The following CDHR3 variants were observed in gnomAD, a reference collection of about 807,000 sequenced individuals.
The protein encoded by CDHR3 is cadherin-related family member 3.
CDHR3 carries 79 observed loss-of-function variants against 86.6 expected under a neutral mutation model. The ratio of observed to expected loss-of-function variants is 0.91; its 90% CI spans 0.76 to 1.10. The LOEUF (loss-of-function observed/expected upper bound fraction) is 1.10, where lower values mean the gene tolerates loss of function less well. Among genes scored for constraint, CDHR3 ranks in the 50% least tolerant of loss-of-function variants. The pLI is 0.00. For missense variants in CDHR3, 1,081 were observed against 1,077.6 expected, an observed-to-expected ratio of 1.00 and a Z score of -0.04; for synonymous variants, 421 against 402.4, an observed-to-expected ratio of 1.05 and a Z score of -0.55.
chr7:106,029,773 C>T (rs1392584069), intron 17 of CDHR3, among the ~76,000 whole-genome samples: 1 of 152,176 alleles, frequency 6.6e-6, no homozygotes, highest in Non-Finnish European at 1.5e-5. Flanking sequence ...GCACATCCAT[C>T]CCCTAAGTCT....
chr7:106,028,336 T>G, intron 16 of CDHR3: 1 of 588,898 alleles, frequency 1.7e-6, no homozygotes, highest in Non-Finnish European at 3.1e-6. Flanking sequence ...ATTGTTCGTA[T>G]GTTATTGTGT....
chr7:105,970,587 C>T (rs933459067), intron 1 of CDHR3, among the ~76,000 whole-genome samples: 2 of 152,146 alleles, frequency 1.3e-5, no homozygotes, highest in Non-Finnish European at 2.9e-5. Flanking sequence ...GGAAAGTATG[C>T]GGTGTTTTAG....
chr7:106,027,559 C>A, intron 16 of CDHR3: 1 of 371,772 alleles, frequency 2.7e-6, no homozygotes. Context: ...TGGGAAGGTC[C>A]ATCTGAGCAG....
chr7:106,026,477 G>T (rs1017837656), intron 15 of CDHR3, among the ~76,000 whole-genome samples: 1 of 152,182 alleles, frequency 6.6e-6, no homozygotes, highest in African/African-American at 2.4e-5. Flanking sequence ...AACCTCCCTA[G>T]TCCAAAGCCA....
At chr7:105,991,059 G>GAATTGTTTTTA (rs1831281076) in intron 4 of CDHR3, among the ~76,000 whole-genome samples, 1 of 152,226 alleles carries the variant, frequency 6.6e-6, no homozygotes, top group East Asian at 1.9e-4. Context: ...GAGCTTGTCT[G>GAATTGTTTTTA]ACAAGCATTT....
intron 15 of CDHR3, 129 bp downstream of exon 15, chr7:106,024,691 A>C: frequency 1.1e-6 from 1 of 913,494 alleles, no homozygotes; most frequent in Admixed American, 2.7e-5. Context: ...TGAAGGCAGG[A>C]AAAGGAGATA....
At position 106,032,386 on chromosome 7, in the gene CDHR3, T is replaced by TC. The variant is rs1347015521; in HGVS notation, c.2354-6dup. Reference sequence around the variant, plus strand: ...CTTATGTGATTGTTGTATTTTTTTTTCACTAGTGACCGGGGAAACATATGA... The same window carrying TC: ...CTTATGTGATTGTTGTATTTTTTTTTCCACTAGTGACCGGGGAAACATATGA... On this transcript the variant is annotated splice_region_variant and splice_polypyrimidine_tract_variant and intron_variant, in intron 18 of 18. Coordinates refer to ENST00000317716, the MANE Select transcript of CDHR3 (RefSeq NM_152750.5). The TC allele has an allele frequency of 4.4e-5, 70 of 1,597,966 alleles. No homozygotes were observed. The highest frequency in any genetic ancestry group is 5.6e-5 in the Non-Finnish European group (66 of 1,170,784).
At chr7:106,003,534 G>C (rs1193871471) in intron 7 of CDHR3, among the ~76,000 whole-genome samples, 2 of 152,132 alleles carry the variant, frequency 1.3e-5, no homozygotes, top group Non-Finnish European at 2.9e-5. Flanking sequence ...CCTAGGGAGA[G>C]CCTCAGGCAG....
At chr7:105,990,085 A>G (rs1831132675) in intron 4 of CDHR3, among the ~76,000 whole-genome samples, 2 of 152,202 alleles carry the variant, frequency 1.3e-5, no homozygotes, top group African/African-American at 4.8e-5. Context: ...GGGGTGGGAC[A>G]CTCTCAAATA....
chr7:105,988,730 C>G (rs1289731314), intron 4 of CDHR3, among the ~76,000 whole-genome samples: 1 of 152,102 alleles, frequency 6.6e-6, no homozygotes, highest in African/African-American at 2.4e-5. Flanking sequence ...CGGCTCTGTC[C>G]AATAAAGCTA....
intron 2 of CDHR3, among the ~76,000 whole-genome samples, chr7:105,977,832 AGCCTCCCT>A: frequency 6.6e-6 from 1 of 152,320 alleles, no homozygotes; most frequent in African/African-American, 2.4e-5. Flanking sequence ...CAAGAGGCCA[AGCCTCCCT>A]GCTTTGGGAC....
chr7:106,000,663 G>GTA (rs1833001748), intron 6 of CDHR3, among the ~76,000 whole-genome samples: 1 of 152,136 alleles, frequency 6.6e-6, no homozygotes, highest in Admixed American at 6.5e-5. Context: ...ATTACTCAAT[G>GTA]TATAGTTAGT....
At chr7:105,977,624 T>A (rs921849727) in intron 2 of CDHR3, among the ~76,000 whole-genome samples, 1 of 152,210 alleles carries the variant, frequency 6.6e-6, no homozygotes, top group Non-Finnish European at 1.5e-5. Context: ...CAACGTCCTC[T>A]ACCATCCCTC....
intron 4 of CDHR3, among the ~76,000 whole-genome samples, chr7:105,988,707 A>T (rs10256063): frequency 0.26 from 40,197 of 152,130 alleles, 5,771 homozygotes; most frequent in African/African-American, 0.38. Context: ...ACCAACACTG[A>T]TCAATATTGG....
At chr7:105,976,982 CTTTTTTTTTT>C (rs11334460) in intron 2 of CDHR3, among the ~76,000 whole-genome samples, 1 of 128,448 alleles carries the variant, frequency 7.8e-6, no homozygotes, top group Non-Finnish European at 1.6e-5. Flanking sequence ...TACCTGATCT[CTTTTTTTTTT>C]TTTTTTTTGA....
At position 106,011,786 on chromosome 7, in the gene CDHR3, C is replaced by T. The variant is rs73718739; in HGVS notation, c.1053-1074C>T. Among the ~76,000 whole-genome samples the T allele has an allele frequency of 2.6e-3, 395 of 152,334 alleles. 2 individuals are homozygous for T. The highest frequency in any genetic ancestry group is 9.0e-3 in the African/African-American group (374 of 41,578). On this transcript the variant is annotated intron_variant, in intron 8 of 18. Coordinates refer to ENST00000317716, the MANE Select transcript of CDHR3 (RefSeq NM_152750.5). ...CTTCCTCAGAGCCTCCTACAGCAAG[C>T]TGGGCTTGATCGGAAGGCTCTGAGT... is the stretch of plus-strand genomic sequence containing the variant.
intron 15 of CDHR3, 129 bp from the exon 16 acceptor site, chr7:106,026,553 C>T: frequency 4.4e-6 from 4 of 904,172 alleles, no homozygotes; most frequent in Non-Finnish European, 7.3e-6. Context: ...GCCCCTATCC[C>T]TGGCACCTCT....
chr7:105,966,121 A>G (rs1826882146), intron 1 of CDHR3, among the ~76,000 whole-genome samples: 1 of 152,238 alleles, frequency 6.6e-6, no homozygotes, highest in African/African-American at 2.4e-5. Context: ...GAAAGAGTTG[A>G]GACAAAGCAG....
intron 16 of CDHR3, among the ~76,000 whole-genome samples, chr7:106,026,982 G>T (rs1241999858): frequency 6.6e-6 from 1 of 152,184 alleles, no homozygotes; most frequent in East Asian, 1.9e-4. Context: ...GTCCCTTGCT[G>T]CATGGCACAG....
Sources: gnomAD v4.1 joint callset for allele counts (sites outside exome capture counted in the v4.1 genomes callset) on GRCh38, gnomAD v4.1.1 for gene constraint, MANE v1.5 for transcripts, NCBI Gene and HGNC (gene_info 2026-07-23, HGNC 2026-07-21) for gene names.